Variants in SLC25A6 observed in about 807,000 individuals in gnomAD.
SLC25A6 encodes ADP/ATP translocase 3.
Under a neutral mutation model 25.7 loss-of-function variants are expected in SLC25A6, and 9 were observed. That is an observed-to-expected ratio of 0.35 (90% CI 0.21 to 0.61). SLC25A6 has a LOEUF of 0.61. Ranked by LOEUF, SLC25A6 falls within the 20% of genes least tolerant of loss-of-function variation. SLC25A6 has a pLI of 0.76. For missense variants in SLC25A6, 404 were observed against 440.5 expected, an observed-to-expected ratio of 0.92 and a Z score of 0.74; for synonymous variants, 223 against 197.0, an observed-to-expected ratio of 1.13 and a Z score of -1.11.
rs1316121606 is a variant in SLC25A6 at position 1,391,935 on chromosome X, G to C, written c.75C>G (p.Ala25=). The change falls in exon 1 of 4, where the codon GCC becomes GCG. Residue 25 remains alanine, a synonymous_variant. Coordinates refer to ENST00000381401, the MANE Select transcript of SLC25A6 (RefSeq NM_001636.4). ...GGIAAAISKT[A]VAPIERVKLL... ...GCTTGACCCGCTCGATCGGAGCCAC[G>C]GCCGTCTTGGAGATGGCGGCGGCGA... The C allele has an allele frequency of 3.1e-6, 5 of 1,609,306 alleles. No individual in the cohort carries two copies. The highest frequency in any genetic ancestry group is 3.4e-6 in the Non-Finnish European group (4 of 1,178,794).
Position 1,389,629 on chromosome X carries a change from G to A in SLC25A6, c.210C>T (p.Phe70=), listed in dbSNP as rs369081877. ...RIPKEQGVLS[F]WRGNLANVIR... ...TGACGTTGGCAAGGTTGCCCCTCCA[G>A]AAGGACAGCACGCCCTGCTCCTTGG... Residue 70 remains phenylalanine (F), a synonymous_variant, in exon 2 of 4, where the codon TTC becomes TTT. Coordinates refer to ENST00000381401, the MANE Select transcript of SLC25A6 (RefSeq NM_001636.4). 41 of 1,614,034 alleles carry A rather than the reference G, an allele frequency of 2.5e-5. No individual in the cohort carries two copies. Among genetic ancestry groups the A allele is most frequent in the Non-Finnish European group, 3.5e-5 (41 of 1,180,020 alleles).
chrX:1,390,882 G>A (rs1169424497), intron 1 of SLC25A6, among the ~76,000 whole-genome samples: 2 of 151,666 alleles, frequency 1.3e-5, no homozygotes, highest in East Asian at 3.9e-4. Flanking sequence ...GAGCTCAGGC[G>A]ATCCTCCCTG....
In SLC25A6 at chrX:1,387,551, C is replaced by T. The variant is rs187725221; in HGVS notation, c.599-132G>A. The T allele has an allele frequency of 6.3e-4, 829 of 1,316,844 alleles. 3 individuals are homozygous for T. In the African/African-American group the frequency reaches 7.8e-3, roughly 12 times the overall value. The allele number at this position is 1,316,844 out of a possible 1,614,324, so 81.6% of individuals were successfully genotyped here. A position where few individuals can be genotyped will look rare whatever the true frequency, so the allele number is the denominator to read the frequency against. On this transcript the variant is annotated intron_variant, in intron 2 of 3. Coordinates refer to ENST00000381401, the MANE Select transcript of SLC25A6 (RefSeq NM_001636.4). ...TCCGAGACCACCAGTGCCCCCTCCA[C>T]GTGGCTGCTCAGTGCCAGCTGACGT...
intron 1 of SLC25A6, 45 bp downstream of exon 1, chrX:1,391,854 G>T: frequency 6.1e-6 from 9 of 1,483,908 alleles, no homozygotes; most frequent in Non-Finnish European, 6.4e-6. Flanking sequence ...CGGCCACTCG[G>T]TTCCCGTCCC....
chrX:1,387,339 C>T lies in SLC25A6; in HGVS notation c.679G>A (p.Val227Met), dbSNP rs763290463. The T allele has an allele frequency of 3.7e-6, 6 of 1,613,244 alleles. No individual in the cohort carries two copies. The Admixed American group carries it at 6.7e-5, about 18-fold the overall frequency. Residue 227 changes from valine (V) to methionine (M), a missense_variant, in exon 3 of 4, where the codon GTG becomes ATG. Val to Met is a conservative substitution (Grantham distance 21). Transcript: ENST00000381401. ...AQTVTAVAGV[V>M]SYPFDTVRRR... ...CGCACCGTGTCGAAGGGGTAGGACA[C>T]CACGCCGGCCACGGCCGTCACGGTC...
chrX:1,389,229 A>T lies in SLC25A6; in HGVS notation c.598+12T>A, dbSNP rs774211251. On this transcript the variant is annotated intron_variant, in intron 2 of 3. Coordinates refer to ENST00000381401, the MANE Select transcript of SLC25A6 (RefSeq NM_001636.4). ...CCCGTCTCTGGGACTTCGCGATGGC[A>T]GCCACACGTACCCTTGGCCGTATCG... 11 of 1,606,544 alleles carry T rather than the reference A, an allele frequency of 6.8e-6. No homozygotes were observed. The African/African-American group carries it at 1.3e-4, about 20-fold the overall frequency.
At chrX:1,387,223 G>A in intron 3 of SLC25A6, 56 bp downstream of exon 3, 11 of 1,597,836 alleles carry the variant, frequency 6.9e-6, no homozygotes, top group Non-Finnish European at 9.4e-6. Flanking sequence ...ACGGGCCTAG[G>A]GCAAGGAGCT....
At position 1,391,973 on chromosome X, in the gene SLC25A6, AG is replaced by A. The variant is rs1569529295; in HGVS notation, c.36del (p.Leu13TrpfsTer150). The A allele has an allele frequency of 1.9e-6, 3 of 1,609,510 alleles. No homozygotes were observed. In the Admixed American group the frequency reaches 5.0e-5, roughly 27 times the overall value. On this transcript the variant is annotated frameshift_variant, in exon 1 of 4. Transcript: ENST00000381401. LOFTEE classifies it high-confidence loss of function. ...TEQAISFAKD[F>X]LAGGIAAAIS... ...ATGGCGGCGGCGATGCCTCCGGCCA[AG>A]AAGTCTTTGGCGAAGGAGATGGCCT... is the stretch of plus-strand genomic sequence containing the variant.
At chrX:1,389,972 G>T (rs1186134972) in intron 1 of SLC25A6, among the ~76,000 whole-genome samples, 2 of 151,906 alleles carry the variant, frequency 1.3e-5, no homozygotes, top group African/African-American at 4.8e-5. Flanking sequence ...TGTTAGTCAG[G>T]ATGGTCTCGA....
intron 1 of SLC25A6, among the ~76,000 whole-genome samples, 165 bp downstream of exon 1, chrX:1,391,734 G>C (rs759549149): frequency 2.6e-5 from 4 of 152,210 alleles, no homozygotes; most frequent in African/African-American, 4.8e-5. Context: ...CTGCAGCAGC[G>C]GTCACGTGAC....
Position 1,389,525 on chromosome X carries a change from T to C in SLC25A6, c.314A>G (p.Lys105Arg). 3 of 1,614,190 alleles carry C rather than the reference T, an allele frequency of 1.9e-6. No individual in the cohort carries two copies. The highest frequency in any genetic ancestry group is 2.5e-6 in the Non-Finnish European group (3 of 1,180,028). Reference protein sequence around the residue: ...YKQIFLGGVDKHTQFWRYFAG... With the variant: ...YKQIFLGGVDRHTQFWRYFAG... ...AAAGTACCTCCAGAACTGCGTGTGC[T>C]TGTCCACGCCCCCCAGGAAGATCTG... The change falls in exon 2 of 4, where the codon AAG (lysine) becomes AGG (arginine). Residue 105 changes from lysine (K) to arginine (R), a missense_variant. Coordinates refer to ENST00000381401, the MANE Select transcript of SLC25A6 (RefSeq NM_001636.4).
intron 1 of SLC25A6, among the ~76,000 whole-genome samples, chrX:1,390,970 C>T (rs1451831481): frequency 6.6e-6 from 1 of 151,878 alleles, no homozygotes; most frequent in African/African-American, 2.4e-5. Context: ...CTATGTTGTC[C>T]TGGCTGGTCT....
At position 1,389,272 on chromosome X, in the gene SLC25A6, C is replaced by A; in HGVS notation, c.567G>T (p.Ala189=). Residue 189 remains alanine, a synonymous_variant, in exon 2 of 4, where the codon GCG becomes GCT. Coordinates refer to ENST00000381401, the MANE Select transcript of SLC25A6 (RefSeq NM_001636.4). ...VSVQGIIIYR[A]AYFGVYDTAK... Reference sequence around the variant, plus strand: ...CCGTATCGTACACGCCGAAGTAGGCCGCCCGGTAGATGATGATGCCCTGCA... The same window carrying A: ...CCGTATCGTACACGCCGAAGTAGGCAGCCCGGTAGATGATGATGCCCTGCA... The A allele has an allele frequency of 1.2e-6, 2 of 1,613,728 alleles. No homozygotes were observed. The highest frequency in any genetic ancestry group is 8.5e-7 in the Non-Finnish European group (1 of 1,179,798).
In SLC25A6 at chrX:1,387,309, G is replaced by A. The variant is rs376737726; in HGVS notation, c.709C>T (p.Arg237Cys). The stretch of plus-strand genomic sequence containing the variant: ...TTGCGCCCGGACTGCATCATCATGC[G>A]CCGCCGCACCGTGTCGAAGGGGTAG... ...VSYPFDTVRRRMMMQSGRKGA... is the reference protein window; with the variant it reads ...VSYPFDTVRRCMMMQSGRKGA... The change falls in exon 3 of 4, where the codon CGC (arginine) becomes TGC (cysteine). Residue 237 changes from arginine (R) to cysteine (C), a missense_variant. Coordinates refer to ENST00000381401, the MANE Select transcript of SLC25A6 (RefSeq NM_001636.4). The A allele has an allele frequency of 1.4e-5, 23 of 1,612,832 alleles. No homozygotes were observed. The highest frequency in any genetic ancestry group is 2.7e-5 in the African/African-American group (2 of 74,890).
chrX:1,390,777 C>A (rs2089393994), intron 1 of SLC25A6, among the ~76,000 whole-genome samples: 1 of 150,474 alleles, frequency 6.6e-6, no homozygotes, highest in Non-Finnish European at 1.5e-5. Flanking sequence ...CTCCCTGGGC[C>A]TCTCCGAGTG....
intron 1 of SLC25A6, among the ~76,000 whole-genome samples, chrX:1,391,286 G>A (rs1417387599): frequency 6.6e-6 from 1 of 152,144 alleles, no homozygotes; most frequent in Non-Finnish European, 1.5e-5. Context: ...CCATCACCGA[G>A]CTGTCACTCG....
In SLC25A6 at chrX:1,387,415, C is replaced by T; in HGVS notation, c.603G>A (p.Met201Ile). ...YFGVYDTAKG[M>I]LPDPKNTHIV... ...TGTGCGTGTTCTTGGGGTCGGGGAG[C>T]ATGCCTGCGCGGGAACGGCACGTCA... The change falls in exon 3 of 4, where the codon ATG becomes ATA. Residue 201 changes from methionine to isoleucine, a missense_variant. Met to Ile is a conservative substitution (Grantham distance 10). Transcript: ENST00000381401. 6.2e-7 allele frequency: 1 copy of T among 1,612,622 alleles called. No individual in the cohort carries two copies.
At chrX:1,391,846 G>A (rs2089418063) in intron 1 of SLC25A6, 53 bp downstream of exon 1, 4 of 1,406,938 alleles carry the variant, frequency 2.8e-6, no homozygotes, top group Non-Finnish European at 3.9e-6. Context: ...GCCCGACCCG[G>A]CCACTCGGTT....
chrX:1,387,837 A>C, intron 2 of SLC25A6, among the ~76,000 whole-genome samples: 1 of 152,240 alleles, frequency 6.6e-6, no homozygotes. Flanking sequence ...AGACTAAAGG[A>C]GGCCAGTAGG....
Sources: allele counts gnomAD v4.1 joint callset (sites outside exome capture counted in the v4.1 genomes callset), GRCh38; gene constraint gnomAD v4.1.1; transcripts MANE v1.5; gene names NCBI Gene and HGNC (gene_info 2026-07-23, HGNC 2026-07-21).